Variants in WDFY2 observed in about 807,000 individuals in gnomAD.
WDFY2 encodes WD repeat and FYVE domain-containing protein 2.
A neutral mutation model predicts 56.4 loss-of-function variants in WDFY2; 36 were observed. The observed-to-expected ratio is 0.64, with a 90% CI of 0.49 to 0.84. The LOEUF (loss-of-function observed/expected upper bound fraction) is 0.84. WDFY2 is among the 40% of genes least tolerant of loss of function. WDFY2 has a pLI of 0.00. For missense variants in WDFY2, 444 were observed against 512.2 expected (o/e 0.87, Z 1.29); for synonymous variants, 176 against 183.7 (o/e 0.96, Z 0.34).
At chr13:51,693,546 G>A (rs1210852455) in intron 3 of WDFY2, among the ~76,000 whole-genome samples, 3 of 152,174 alleles carry the variant, frequency 2.0e-5, no homozygotes, top group Non-Finnish European at 4.4e-5. Context: ...TGGTCTGAGA[G>A]ACAGTTTGTT....
At position 51,675,190 on chromosome 13, in the gene WDFY2, T is replaced by G. The variant is rs143269245; in HGVS notation, c.226T>G (p.Phe76Val). The G allele has an allele frequency of 3.1e-6, 5 of 1,613,878 alleles. No individual in the cohort carries two copies. The highest frequency in any genetic ancestry group is 4.2e-6 in the Non-Finnish European group (5 of 1,179,900). The change falls in exon 3 of 12, where the codon TTT (phenylalanine) becomes GTT (valine). Residue 76 changes from phenylalanine (F) to valine (V), a missense_variant. By Grantham distance (50) the Phe-to-Val change is conservative. Transcript: ENST00000298125. ...AMPSPCSCMS[F>V]NPETRRLSIG... is the part of the protein sequence containing the mutation. ...TTCAGCTCCATGTTCATGCATGTCT[T>G]TTAACCCGGAAACAAGAAGACTGTC...
chr13:51,677,421 C>A (rs1252859856), intron 3 of WDFY2, among the ~76,000 whole-genome samples: 1 of 152,170 alleles, frequency 6.6e-6, no homozygotes, highest in Non-Finnish European at 1.5e-5. Context: ...TCACATTGAT[C>A]ACTGCAATAA....
At chr13:51,644,276 C>A (rs923547954) in intron 1 of WDFY2, among the ~76,000 whole-genome samples, 1 of 152,172 alleles carries the variant, frequency 6.6e-6, no homozygotes, top group Admixed American at 6.5e-5. Flanking sequence ...GAAAACTACT[C>A]CGAATTAAGA....
chr13:51,700,640 A>G (rs1013277037), intron 3 of WDFY2, among the ~76,000 whole-genome samples: 5 of 152,240 alleles, frequency 3.3e-5, no homozygotes, highest in Admixed American at 2.6e-4. Flanking sequence ...AAGGAAAACT[A>G]GAAACAAAGA....
At chr13:51,695,633 G>T (rs1951853386) in intron 3 of WDFY2, among the ~76,000 whole-genome samples, 1 of 152,228 alleles carries the variant, frequency 6.6e-6, no homozygotes, top group Admixed American at 6.5e-5. Flanking sequence ...GGGGTCAGGG[G>T]TCAGGGACCC....
At chr13:51,748,050 C>G (rs1953143476) in intron 7 of WDFY2, among the ~76,000 whole-genome samples, 1 of 152,194 alleles carries the variant, frequency 6.6e-6, no homozygotes, top group South Asian at 2.1e-4. Context: ...CTCTTACTCT[C>G]TGTGTTCCCT....
chr13:51,728,609 G>A (rs1004591417), intron 6 of WDFY2, among the ~76,000 whole-genome samples: 3 of 152,104 alleles, frequency 2.0e-5, no homozygotes, highest in Non-Finnish European at 2.9e-5. Flanking sequence ...GAAAGAGGAT[G>A]TAAAATTGGA....
chr13:51,719,225 T>C lies in WDFY2; in HGVS notation c.362T>C (p.Leu121Pro). Residue 121 changes from leucine (L) to proline (P), a missense_variant, in exon 5 of 12, where the codon CTG becomes CCG. Transcript: ENST00000298125. Reference sequence around the variant, plus strand: ...CATCAGAGCAGAGTGACGATGATCCTGTTTGTCCTGGAGCTGGAGTGGGTG... The same window carrying C: ...CATCAGAGCAGAGTGACGATGATCCCGTTTGTCCTGGAGCTGGAGTGGGTG... ...QAHQSRVTMI[L>P]FVLELEWVLS... The C allele has an allele frequency of 6.2e-7, 1 of 1,614,230 alleles. No individual in the cohort carries two copies. The highest frequency in any genetic ancestry group is 1.1e-5 in the South Asian group (1 of 91,086).
chr13:51,668,261 C>T (rs988906485), intron 2 of WDFY2, among the ~76,000 whole-genome samples: 3 of 152,140 alleles, frequency 2.0e-5, no homozygotes, highest in Non-Finnish European at 2.9e-5. Context: ...TGATTAAGTA[C>T]AGCATTTATT....
At chr13:51,594,053 C>T (rs1446157631) in intron 1 of WDFY2, 2 of 152,216 alleles carry the variant, frequency 1.3e-5, no homozygotes, top group African/African-American at 4.8e-5. Flanking sequence ...TCTTAGGCAA[C>T]CTGGTGGTCC....
At chr13:51,629,793 C>G (rs998880286) in intron 1 of WDFY2, among the ~76,000 whole-genome samples, 1 of 119,596 alleles carries the variant, frequency 8.4e-6, no homozygotes, top group Non-Finnish European at 1.8e-5. Flanking sequence ...CTCTTTAGTT[C>G]TTTGATTTTT....
intron 8 of WDFY2, among the ~76,000 whole-genome samples, chr13:51,752,183 A>T (rs905378911): frequency 2.0e-5 from 3 of 152,198 alleles, no homozygotes; most frequent in Admixed American, 2.0e-4. Context: ...CCCCAGTCTC[A>T]TTTCAAGAGA....
At chr13:51,603,866 C>G (rs1954333586) in intron 1 of WDFY2, among the ~76,000 whole-genome samples, 1 of 152,096 alleles carries the variant, frequency 6.6e-6, no homozygotes, top group African/African-American at 2.4e-5. Context: ...AGGCACAAGG[C>G]AGGTAACATA....
At chr13:51,658,130 G>A (rs1167557991) in intron 1 of WDFY2, among the ~76,000 whole-genome samples, 1 of 152,130 alleles carries the variant, frequency 6.6e-6, no homozygotes, top group Non-Finnish European at 1.5e-5. Context: ...AGAGGTTGCT[G>A]TTCTTACTTG....
chr13:51,654,903 T>A (rs1396820396), intron 1 of WDFY2, among the ~76,000 whole-genome samples: 1 of 152,154 alleles, frequency 6.6e-6, no homozygotes, highest in Non-Finnish European at 1.5e-5. Flanking sequence ...CAAGTTGGTA[T>A]AAGGAGGGTA....
chr13:51,752,473 C>T (rs979179152), intron 8 of WDFY2, among the ~76,000 whole-genome samples: 4 of 152,200 alleles, frequency 2.6e-5, no homozygotes, highest in Non-Finnish European at 5.9e-5. Context: ...TTGGGTTCTG[C>T]ACGGTAGCCT....
Position 51,759,975 on chromosome 13 carries a change from TA to T in WDFY2, c.*210del. The T allele has an allele frequency of 2.0e-6, 1 of 510,468 alleles. No homozygotes were observed. Among genetic ancestry groups the T allele is most frequent in the East Asian group, 2.9e-5 (1 of 34,296 alleles). The allele number at this position is 510,468 out of a possible 1,614,324, so 31.6% of individuals were successfully genotyped here. A position where few individuals can be genotyped will look rare whatever the true frequency, so the allele number is the denominator to read the frequency against. The stretch of plus-strand genomic sequence containing the variant: ...ACTCTTCCAACTTGTTCATACAATA[TA>T]AAAGAAGCTATTTTTTTAACAAATG... On this transcript the variant is annotated 3_prime_UTR_variant, in exon 12 of 12. Transcript: ENST00000298125.
At chr13:51,711,031 T>C (rs914251012) in intron 4 of WDFY2, among the ~76,000 whole-genome samples, 3 of 152,152 alleles carry the variant, frequency 2.0e-5, no homozygotes, top group African/African-American at 7.2e-5. Context: ...CTACCTGACT[T>C]CAAACTATAC....
intron 4 of WDFY2, among the ~76,000 whole-genome samples, chr13:51,718,367 C>T (rs1246382306): frequency 1.3e-5 from 2 of 152,164 alleles, no homozygotes; most frequent in African/African-American, 2.4e-5. Flanking sequence ...CATTTGGTAA[C>T]TGAGAAGCTG....
Sources: allele counts gnomAD v4.1 joint callset (sites outside exome capture counted in the v4.1 genomes callset), GRCh38; gene constraint gnomAD v4.1.1; transcripts MANE v1.5; gene names NCBI Gene and HGNC (gene_info 2026-07-23, HGNC 2026-07-21).